DIAPH2: variants seen among roughly 807,000 people sequenced by gnomAD.
The protein encoded by DIAPH2 is protein diaphanous homolog 2.
Under a neutral mutation model 92.7 loss-of-function variants are expected in DIAPH2, and 35 were observed. The observed-to-expected ratio is 0.38, with a 90% CI of 0.29 to 0.50. DIAPH2 has a LOEUF of 0.50. Among genes scored for constraint, DIAPH2 ranks in the 20% least tolerant of loss-of-function variants. DIAPH2 has a pLI of 0.94. For missense variants in DIAPH2, 701 were observed against 819.5 expected, an observed-to-expected ratio of 0.86 and a Z score of 1.77; for synonymous variants, 301 against 280.4, an observed-to-expected ratio of 1.07 and a Z score of -0.73.
At chrX:97,249,604 T>C (rs1311581818) in intron 23 of DIAPH2, among the ~76,000 whole-genome samples, 1 of 112,300 alleles carries the variant, frequency 8.9e-6, no homozygotes, top group Non-Finnish European at 1.9e-5. Flanking sequence ...GATAAAACTG[T>C]GGCTCAAGTT....
At chrX:97,031,997 A>G (rs2066378620) in intron 17 of DIAPH2, among the ~76,000 whole-genome samples, 1 of 111,874 alleles carries the variant, frequency 8.9e-6, no homozygotes, top group South Asian at 3.8e-4. Flanking sequence ...GGTGTAAGTG[A>G]TAGGTAGTGT....
At chrX:96,872,450 C>T (rs935905229) in intron 4 of DIAPH2, among the ~76,000 whole-genome samples, 1 of 109,111 alleles carries the variant, frequency 9.2e-6, no homozygotes, top group Non-Finnish European at 1.9e-5. Flanking sequence ...TTTTTTATGG[C>T]GGAATAGTAC....
chrX:97,515,443 A>C (rs2070938219), intron 26 of DIAPH2, among the ~76,000 whole-genome samples: 1 of 112,171 alleles, frequency 8.9e-6, no homozygotes, highest in African/African-American at 3.2e-5. Context: ...CCGGTACCTC[A>C]GATGGAAATG....
intron 23 of DIAPH2, among the ~76,000 whole-genome samples, chrX:97,334,472 A>AAAAAAAAAAAAAAC (rs1556028856): frequency 9.5e-5 from 8 of 84,381 alleles, no homozygotes; most frequent in Admixed American, 3.0e-4. Context: ...CAAAAAAAAA[A>AAAAAAAAAAAAAAC]AAAAAACAAA....
At chrX:97,370,621 T>C (rs1197414081) in intron 24 of DIAPH2, among the ~76,000 whole-genome samples, 5 of 111,936 alleles carry the variant, frequency 4.5e-5, no homozygotes, top group African/African-American at 1.6e-4. Context: ...ACCCTTATTT[T>C]GGATTTCCCT....
intron 23 of DIAPH2, among the ~76,000 whole-genome samples, chrX:97,291,342 G>A (rs1569352846): frequency 9.0e-6 from 1 of 110,767 alleles, no homozygotes; most frequent in Non-Finnish European, 1.9e-5. Flanking sequence ...AGGTTGTGGT[G>A]AGCCGAGATC....
intron 22 of DIAPH2, among the ~76,000 whole-genome samples, chrX:97,219,006 A>G (rs1056806365): frequency 8.9e-6 from 1 of 112,038 alleles, no homozygotes; most frequent in Non-Finnish European, 1.9e-5. Flanking sequence ...ACTTAAAACA[A>G]TAAGTTATCT....
intron 10 of DIAPH2, among the ~76,000 whole-genome samples, chrX:96,932,475 C>T (rs931174982): frequency 4.5e-5 from 5 of 110,750 alleles, no homozygotes; most frequent in Admixed American, 1.9e-4. Context: ...TTAATCTCTG[C>T]TGGGCTCAGT....
At chrX:97,472,954 C>T (rs766820460) in intron 26 of DIAPH2, among the ~76,000 whole-genome samples, 10 of 112,034 alleles carry the variant, frequency 8.9e-5, no homozygotes, top group African/African-American at 3.2e-4. Flanking sequence ...TTTCTCTCAA[C>T]TGGAGTGCTC....
chrX:97,310,846 C>G (rs896078388), intron 23 of DIAPH2, among the ~76,000 whole-genome samples: 3 of 110,401 alleles, frequency 2.7e-5, no homozygotes, highest in Non-Finnish European at 1.9e-5. Flanking sequence ...CCATCTCTAC[C>G]AAAAAATATA....
chrX:97,247,621 T>TAA, intron 22 of DIAPH2, 94 bp from the exon 23 acceptor site: 1 of 814,402 alleles, frequency 1.2e-6, no homozygotes, highest in Non-Finnish European at 1.7e-6. Context: ...TTCCCACATT[T>TAA]AAAAAAAAAG....
chrX:97,428,709 C>CA (rs2070096319), intron 25 of DIAPH2, among the ~76,000 whole-genome samples: 1 of 111,020 alleles, frequency 9.0e-6, no homozygotes, highest in Non-Finnish European at 1.9e-5. Context: ...ACCTCACACT[C>CA]ACACATTTAG....
chrX:96,998,230 T>A (rs1042197933), intron 17 of DIAPH2, among the ~76,000 whole-genome samples: 6 of 110,977 alleles, frequency 5.4e-5, no homozygotes, highest in Non-Finnish European at 7.5e-5. Flanking sequence ...TATTTACCTT[T>A]AACTTCTGTG....
chrX:97,499,832 A>G (rs1262292820), intron 26 of DIAPH2, among the ~76,000 whole-genome samples: 3 of 112,527 alleles, frequency 2.7e-5, no homozygotes, highest in Non-Finnish European at 5.6e-5. Flanking sequence ...CTACTATGTA[A>G]ATAGAGCAGA....
intron 24 of DIAPH2, among the ~76,000 whole-genome samples, chrX:97,348,990 G>A (rs1265732663): frequency 1.9e-5 from 2 of 107,367 alleles, no homozygotes; most frequent in African/African-American, 6.9e-5. Flanking sequence ...AAAGGTGTGT[G>A]TGTATATATA....
Position 96,884,304 on chromosome X carries a change from C to T in DIAPH2, c.587+2586C>T. 4 of 1,204,652 alleles carry T rather than the reference C, an allele frequency of 3.3e-6. No individual in the cohort carries two copies. The South Asian group carries it at 5.4e-5, about 16-fold the overall frequency. On this transcript the variant is annotated intron_variant, in intron 5 of 26. Transcript: ENST00000324765. The stretch of plus-strand genomic sequence containing the variant: ...CCACCTTCTCCTCAGCCTGAGCTGT[C>T]TTGAAGATGAGTAAGAGTGGGTTTG...
intron 24 of DIAPH2, among the ~76,000 whole-genome samples, chrX:97,360,801 A>G (rs1036137396): frequency 3.6e-5 from 4 of 112,150 alleles, no homozygotes; most frequent in Non-Finnish European, 5.6e-5. Flanking sequence ...ATCAAATGAC[A>G]TCTACGAGAT....
intron 4 of DIAPH2, among the ~76,000 whole-genome samples, chrX:96,871,265 A>G (rs2065139758): frequency 9.1e-6 from 1 of 109,802 alleles, no homozygotes; most frequent in East Asian, 2.9e-4. Flanking sequence ...TCAGGAGATC[A>G]AGACCATCCT....
At chrX:97,430,596 C>T (rs764260563) in intron 26 of DIAPH2, among the ~76,000 whole-genome samples, 10 of 112,386 alleles carry the variant, frequency 8.9e-5, no homozygotes, top group Non-Finnish European at 1.9e-5. Context: ...AATTAATAGT[C>T]AATATGTAAA....
Sources: allele counts gnomAD v4.1 joint callset (sites outside exome capture counted in the v4.1 genomes callset), GRCh38; gene constraint gnomAD v4.1.1; transcripts MANE v1.5; gene names NCBI Gene and HGNC (gene_info 2026-07-23, HGNC 2026-07-21).